The following ADCY8 variants were observed in gnomAD, a reference collection of about 807,000 sequenced individuals.
The protein encoded by ADCY8 is adenylate cyclase type 8.
A neutral mutation model predicts 119.7 loss-of-function variants in ADCY8; 51 were observed. The observed-to-expected ratio is 0.43, with a 90% CI of 0.34 to 0.54. The LOEUF is 0.54. Among genes scored for constraint, ADCY8 ranks in the 20% least tolerant of loss-of-function variants. The probability of loss-of-function intolerance (pLI) is 0.03; values close to 1 mark genes in which losing one functional copy is unlikely to be tolerated. For missense variants in ADCY8, 1,383 were observed against 1,598.8 expected, an observed-to-expected ratio of 0.87 and a Z score of 2.30; for synonymous variants, 665 against 651.0, an observed-to-expected ratio of 1.02 and a Z score of -0.33.
At chr8:130,837,747 G>A (rs1347939509) in intron 11 of ADCY8, among the ~76,000 whole-genome samples, 1 of 152,132 alleles carries the variant, frequency 6.6e-6, no homozygotes, top group African/African-American at 2.4e-5. Context: ...ATTATCAAAG[G>A]CCCATTTTGT....
At chr8:130,939,394 T>C (rs1820891632) in intron 4 of ADCY8, among the ~76,000 whole-genome samples, 1 of 152,184 alleles carries the variant, frequency 6.6e-6, no homozygotes, top group Non-Finnish European at 1.5e-5. Flanking sequence ...CTTACTCTGA[T>C]TTTGCAGATC....
chr8:130,855,380 G>T (rs868686643), intron 9 of ADCY8, among the ~76,000 whole-genome samples: 1 of 152,116 alleles, frequency 6.6e-6, no homozygotes, highest in South Asian at 2.1e-4. Flanking sequence ...TGGATTGTCT[G>T]GTCAGAGTTC....
intron 1 of ADCY8, among the ~76,000 whole-genome samples, chr8:131,019,823 C>CTCTG (rs1563770526): frequency 1.2e-4 from 15 of 126,286 alleles, no homozygotes; most frequent in African/African-American, 4.9e-4. Flanking sequence ...CTCTCTCTCT[C>CTCTG]TCTCTCTCTC....
At chr8:130,915,588 G>T (rs1820102728) in intron 5 of ADCY8, among the ~76,000 whole-genome samples, 2 of 152,192 alleles carry the variant, frequency 1.3e-5, no homozygotes, top group Admixed American at 6.5e-5. Flanking sequence ...ATGGGGAAGA[G>T]AATTGGTCCT....
chr8:130,891,321 T>A (rs192335537), intron 7 of ADCY8, among the ~76,000 whole-genome samples: 2 of 152,254 alleles, frequency 1.3e-5, no homozygotes, highest in East Asian at 3.9e-4. Context: ...ACCTCAACAG[T>A]GCACATTACA....
intron 8 of ADCY8, among the ~76,000 whole-genome samples, chr8:130,879,560 T>A (rs1332810336): frequency 2.0e-5 from 3 of 152,188 alleles, no homozygotes; most frequent in African/African-American, 7.2e-5. Context: ...ATTAAGTATT[T>A]TTAAATGTGA....
intron 1 of ADCY8, among the ~76,000 whole-genome samples, chr8:131,026,644 G>T (rs1186174270): frequency 2.6e-5 from 4 of 152,116 alleles, no homozygotes; most frequent in Admixed American, 2.6e-4. Context: ...TCCAAATTTT[G>T]TCAAGATCTC....
intron 11 of ADCY8, among the ~76,000 whole-genome samples, chr8:130,845,183 C>A (rs574586792): frequency 6.6e-6 from 1 of 152,214 alleles, no homozygotes; most frequent in Non-Finnish European, 1.5e-5. Context: ...TCTTACCCAC[C>A]ACTTTCTTAG....
chr8:131,012,954 C>T (rs774863003), intron 1 of ADCY8, among the ~76,000 whole-genome samples: 19 of 152,174 alleles, frequency 1.2e-4, no homozygotes, highest in South Asian at 2.1e-4. Flanking sequence ...TAACTTTGAA[C>T]AACTAACAAA....
At chr8:130,916,307 T>C (rs1186687305) in intron 5 of ADCY8, among the ~76,000 whole-genome samples, 1 of 152,188 alleles carries the variant, frequency 6.6e-6, no homozygotes, top group Non-Finnish European at 1.5e-5. Context: ...AAGCCTCCCT[T>C]CTTATAGATC....
intron 7 of ADCY8, 96 bp downstream of exon 7, chr8:130,903,676 G>C (rs1819681803): frequency 7.2e-7 from 1 of 1,381,458 alleles, no homozygotes; most frequent in Non-Finnish European, 1.0e-6. Flanking sequence ...TTGGAGAAAA[G>C]GTTAAAGATG....
At chr8:131,001,622 T>C (rs190478312) in intron 1 of ADCY8, among the ~76,000 whole-genome samples, 2 of 148,450 alleles carry the variant, frequency 1.3e-5, no homozygotes, top group African/African-American at 4.9e-5. Context: ...ATATTTTATA[T>C]ATATACATTA....
chr8:130,897,533 A>G (rs886845996), intron 7 of ADCY8, among the ~76,000 whole-genome samples: 3 of 151,400 alleles, frequency 2.0e-5, no homozygotes, highest in Non-Finnish European at 4.4e-5. Context: ...ATGCGAGGAC[A>G]CTCAGGCAAT....
chr8:130,936,100 TGTGTGTGTG>T (rs1820778964), intron 5 of ADCY8, among the ~76,000 whole-genome samples: 1 of 116,616 alleles, frequency 8.6e-6, no homozygotes, highest in Non-Finnish European at 2.1e-5. Context: ...TGTGTGTGTG[TGTGTGTGTG>T]TATTTCTGCC....
chr8:130,906,839 C>T (rs1264902180), intron 6 of ADCY8, among the ~76,000 whole-genome samples: 1 of 150,594 alleles, frequency 6.6e-6, no homozygotes, highest in African/African-American at 2.4e-5. Flanking sequence ...TACTGTGTGC[C>T]CCATGGATTA....
At chr8:130,921,088 T>G (rs573934884) in intron 5 of ADCY8, among the ~76,000 whole-genome samples, 4 of 152,364 alleles carry the variant, frequency 2.6e-5, no homozygotes, top group African/African-American at 9.6e-5. Context: ...CTGTCAATAC[T>G]TTTCCTTTTT....
At chr8:130,838,905 G>A (rs568070641) in intron 11 of ADCY8, among the ~76,000 whole-genome samples, 1 of 140,880 alleles carries the variant, frequency 7.1e-6, no homozygotes. Context: ...GGGTACAGAG[G>A]AAGGACAAAG....
At chr8:130,878,646 G>A (rs1818653100) in intron 8 of ADCY8, among the ~76,000 whole-genome samples, 1 of 152,148 alleles carries the variant, frequency 6.6e-6, no homozygotes, top group Non-Finnish European at 1.5e-5. Flanking sequence ...TCAGAATCTT[G>A]GGGGCAGAGT....
intron 9 of ADCY8, among the ~76,000 whole-genome samples, chr8:130,862,968 G>T (rs996140738): frequency 4.6e-5 from 7 of 152,260 alleles, no homozygotes; most frequent in Non-Finnish European, 8.8e-5. Flanking sequence ...TTCTTCCATT[G>T]GGTGGAATAG....
Sources: gnomAD v4.1 joint callset for allele counts (sites outside exome capture counted in the v4.1 genomes callset) on GRCh38, gnomAD v4.1.1 for gene constraint, MANE v1.5 for transcripts, NCBI Gene and HGNC (gene_info 2026-07-23, HGNC 2026-07-21) for gene names.